Variants in GLIPR1L1 observed in about 807,000 individuals in gnomAD.
GLIPR1L1 encodes GLIPR1 like 1.
A neutral mutation model predicts 29.9 loss-of-function variants in GLIPR1L1; 26 were observed. The observed-to-expected ratio is 0.87, with a 90% CI of 0.64 to 1.21. The LOEUF is 1.21. GLIPR1L1 is among the 50% of genes most tolerant of loss of function. GLIPR1L1 has a pLI of 0.00. For synonymous variants in GLIPR1L1, 77 were observed against 97.5 expected (o/e 0.79, Z 1.24); for missense variants, 305 against 290.3 (o/e 1.05, Z -0.37).
intron 3 of GLIPR1L1, chr12:75,360,723 C>T (rs2043522086): frequency 6.6e-6 from 1 of 152,218 alleles, no homozygotes; most frequent in Non-Finnish European, 1.5e-5. Context: ...CCTGTTCTCA[C>T]AGCTCCACTA....
chr12:75,370,030 C>A (rs1304944949), intron 5 of GLIPR1L1, 44 bp downstream of exon 5: 2 of 1,255,560 alleles, frequency 1.6e-6, no homozygotes, highest in Non-Finnish European at 2.3e-6. Flanking sequence ...TATTTCCTCC[C>A]GTTGAAAATC....
intron 1 of GLIPR1L1, 41 bp downstream of exon 1, chr12:75,334,943 A>C: frequency 3.2e-6 from 5 of 1,547,552 alleles, no homozygotes; most frequent in Non-Finnish European, 4.4e-6. Flanking sequence ...TCCCTGACTC[A>C]TCCTGAGGTA....
intron 1 of GLIPR1L1, among the ~76,000 whole-genome samples, chr12:75,339,247 G>T (rs191277302): frequency 6.6e-6 from 1 of 151,860 alleles, no homozygotes; most frequent in Non-Finnish European, 1.5e-5. Context: ...TTTTTTTCCC[G>T]CAACACTGCC....
At chr12:75,354,959 C>A (rs759039927) in intron 3 of GLIPR1L1, among the ~76,000 whole-genome samples, 10 of 152,288 alleles carry the variant, frequency 6.6e-5, no homozygotes, top group Non-Finnish European at 1.2e-4. Flanking sequence ...AACTTCCTTA[C>A]ACCTTATACA....
intron 1 of GLIPR1L1, among the ~76,000 whole-genome samples, chr12:75,335,189 C>T: frequency 6.6e-6 from 1 of 152,070 alleles, no homozygotes; most frequent in East Asian, 1.9e-4. Flanking sequence ...GTACTGAACA[C>T]AGGATTATTT....
chr12:75,346,402 T>C (rs1299140668), intron 2 of GLIPR1L1, among the ~76,000 whole-genome samples: 1 of 152,154 alleles, frequency 6.6e-6, no homozygotes, highest in Admixed American at 6.5e-5. Flanking sequence ...ACTCTTTTTT[T>C]TTTTTTGAGA....
rs2042261977 is a variant in GLIPR1L1, at chr12:75,343,673, A to C, written c.175-20A>C. The C allele has an allele frequency of 1.9e-6, 3 of 1,558,704 alleles. No individual in the cohort carries two copies. Among genetic ancestry groups the C allele is most frequent in the Admixed American group, 3.8e-5 (2 of 53,186 alleles). On this transcript the variant is annotated intron_variant, in intron 1 of 5. Transcript: ENST00000378695. ...CAAATACTTATGCACAATTCAATTT[A>C]AATTATTTTTATCTTTCAGATTTGG...
intron 2 of GLIPR1L1, among the ~76,000 whole-genome samples, chr12:75,345,429 G>A (rs1408754667): frequency 6.6e-6 from 1 of 152,014 alleles, no homozygotes; most frequent in Non-Finnish European, 1.5e-5. Flanking sequence ...ACATGGTACT[G>A]AGCCCCTAGG....
At chr12:75,367,023 T>C in intron 4 of GLIPR1L1, 1 of 701,312 alleles carries the variant, frequency 1.4e-6, no homozygotes, top group South Asian at 1.5e-5. Context: ...GGTAAGTCTC[T>C]CATTTATCTC....
intron 2 of GLIPR1L1, among the ~76,000 whole-genome samples, chr12:75,346,413 C>T (rs1002027318): frequency 2.0e-5 from 3 of 150,836 alleles, no homozygotes; most frequent in East Asian, 1.9e-4. Context: ...TTTTTTGAGA[C>T]GGAGTCTCGC....
In GLIPR1L1 at chr12:75,363,158, C is replaced by G; in HGVS notation, c.578C>G (p.Ser193Ter). ...AGAGGAGAATCTTGCTCTCTCTGCT[C>G]AAAAGAAGAGAAATGTGTAAAGAAC... ...YVRGESCSLC[S>*]KEEKCVKNLC... The change falls in exon 4 of 6, where the codon TCA becomes TGA. Residue 193 changes from serine to a stop codon, truncating the protein, a stop_gained. Coordinates refer to ENST00000378695, the MANE Select transcript of GLIPR1L1 (RefSeq NM_001304964.2). LOFTEE classifies it high-confidence loss of function. 6.5e-7 allele frequency: 1 copy of G among 1,546,868 alleles called. No individual in the cohort carries two copies. Among genetic ancestry groups the G allele is most frequent in the Non-Finnish European group, 8.7e-7 (1 of 1,153,172 alleles).
At chr12:75,341,496 G>A (rs2042105350) in intron 1 of GLIPR1L1, among the ~76,000 whole-genome samples, 1 of 152,084 alleles carries the variant, frequency 6.6e-6, no homozygotes, top group East Asian at 1.9e-4. Context: ...GCCCAGGCTG[G>A]AATGCAGTGG....
chr12:75,341,764 T>TG (rs2139320717), intron 1 of GLIPR1L1, among the ~76,000 whole-genome samples: 1 of 144,256 alleles, frequency 6.9e-6, no homozygotes, highest in South Asian at 2.3e-4. Flanking sequence ...TTTTTTTTTT[T>TG]TTTTTTTGAG....
chr12:75,366,979 G>A, intron 4 of GLIPR1L1: 1 of 701,726 alleles, frequency 1.4e-6, no homozygotes, highest in Non-Finnish European at 2.6e-6. Context: ...GCAGCTTGCA[G>A]TAACAAAATG....
intron 4 of GLIPR1L1, chr12:75,365,092 A>G (rs980262466): frequency 2.6e-5 from 4 of 152,228 alleles, no homozygotes; most frequent in Admixed American, 2.0e-4. Flanking sequence ...ATCTCATGCA[A>G]CCACCTCTTG....
chr12:75,346,396 T>C (rs1821411188), intron 2 of GLIPR1L1, among the ~76,000 whole-genome samples: 1 of 144,670 alleles, frequency 6.9e-6, no homozygotes, highest in Non-Finnish European at 1.5e-5. Context: ...AGCAAAACTC[T>C]TTTTTTTTTT....
chr12:75,352,408 G>T (rs2042876560), intron 3 of GLIPR1L1, among the ~76,000 whole-genome samples: 1 of 152,024 alleles, frequency 6.6e-6, no homozygotes, highest in African/African-American at 2.4e-5. Context: ...GACAAAGAAG[G>T]GCATTACATA....
In GLIPR1L1 at chr12:75,334,685, G is replaced by T; in HGVS notation, c.-44G>T. ...AAATCGGGTTGCCCCAGCCGTTACT[G>T]GTCCGCGCAGTCAGGGCATCCTCCG... is the stretch of plus-strand genomic sequence containing the variant. On this transcript the variant is annotated 5_prime_UTR_variant, in exon 1 of 6. Coordinates refer to ENST00000378695, the MANE Select transcript of GLIPR1L1 (RefSeq NM_001304964.2). 6.3e-7 allele frequency: 1 copy of T among 1,587,672 alleles called. No homozygotes were observed. The highest frequency in any genetic ancestry group is 2.2e-5 in the East Asian group (1 of 44,648).
intron 4 of GLIPR1L1, among the ~76,000 whole-genome samples, chr12:75,366,603 T>C (rs1366649302): frequency 2.0e-5 from 3 of 151,976 alleles, no homozygotes; most frequent in Admixed American, 2.0e-4. Flanking sequence ...CACCTCAAAG[T>C]GGATCATTCT....
Sources: gnomAD v4.1 joint callset for allele counts (sites outside exome capture counted in the v4.1 genomes callset) on GRCh38, gnomAD v4.1.1 for gene constraint, MANE v1.5 for transcripts, NCBI Gene and HGNC (gene_info 2026-07-23, HGNC 2026-07-21) for gene names.